The following BACH2 variants were observed in gnomAD, a reference collection of about 807,000 sequenced individuals.
BACH2 encodes the protein BACH transcriptional regulator 2, also known as transcription regulator protein BACH2.
BACH2 carries 5 observed loss-of-function variants against 61.8 expected under a neutral mutation model. That is an observed-to-expected ratio of 0.08 (90% CI 0.04 to 0.17). The LOEUF is 0.17. Ranked by LOEUF, BACH2 falls within the 10% of genes least tolerant of loss-of-function variation. The pLI, the probability that BACH2 is intolerant of heterozygous loss-of-function variation, is 1.00. For missense variants in BACH2, 824 were observed against 1,091.1 expected (o/e 0.76, Z 3.45); for synonymous variants, 446 against 440.1 (o/e 1.01, Z -0.17).
At chr6:90,186,304 C>T (rs1419510534) in intron 4 of BACH2, among the ~76,000 whole-genome samples, 1 of 152,174 alleles carries the variant, frequency 6.6e-6, no homozygotes, top group Non-Finnish European at 1.5e-5. Context: ...TCTTACAACA[C>T]TAGAGTAATA....
intron 4 of BACH2, among the ~76,000 whole-genome samples, chr6:90,122,423 G>A (rs1023272211): frequency 6.6e-6 from 1 of 152,050 alleles, no homozygotes; most frequent in African/African-American, 2.4e-5. Flanking sequence ...TCAAAAAAAA[G>A]GTTTACAGGA....
chr6:90,052,522 C>T (rs928890576), intron 5 of BACH2, among the ~76,000 whole-genome samples: 1 of 152,108 alleles, frequency 6.6e-6, no homozygotes, highest in Non-Finnish European at 1.5e-5. Flanking sequence ...TGGGTTCAAG[C>T]GATTCTCATG....
chr6:90,282,077 C>T (rs745428702), intron 1 of BACH2, among the ~76,000 whole-genome samples: 27 of 152,034 alleles, frequency 1.8e-4, no homozygotes, highest in Non-Finnish European at 2.6e-4. Context: ...TGTGCTGATT[C>T]GATTCAATGT....
In BACH2 at chr6:89,950,594, G is replaced by C. The variant is rs754123251; in HGVS notation, c.1512C>G (p.Ile504Met). 1.2e-6 allele frequency: 2 copies of C among 1,612,668 alleles called. No homozygotes were observed. The highest frequency in any genetic ancestry group is 3.3e-5 in the Admixed American group (2 of 59,980). ...MRPNTSCPVPIKVCPRSPPLE... is the reference protein window; with the variant it reads ...MRPNTSCPVPMKVCPRSPPLE... ...AGGGGGGTGAGCGAGGGCAGACTTT[G>C]ATTGGTACCGGGCAGCTGGTGTTGG... The change falls in exon 7 of 9, where the codon ATC becomes ATG. Residue 504 changes from isoleucine to methionine, a missense_variant. By Grantham distance (10) the Ile-to-Met change is conservative. This residue lies in a region of BACH2 where 102 missense variants were observed against 98.1 expected (regional missense o/e 1.04). Transcript: ENST00000257749. The surrounding 1 kb of genome is among the most constrained non-coding windows in gnomAD (Gnocchi z 5.3).
At chr6:90,171,771 T>G (rs1031641179) in intron 4 of BACH2, among the ~76,000 whole-genome samples, 1 of 152,124 alleles carries the variant, frequency 6.6e-6, no homozygotes, top group Admixed American at 6.5e-5. Flanking sequence ...TTAACATTTT[T>G]AAAAAAGTAA....
intron 5 of BACH2, among the ~76,000 whole-genome samples, chr6:90,029,206 T>G (rs532433491): frequency 6.6e-6 from 1 of 152,292 alleles, no homozygotes; most frequent in Admixed American, 6.5e-5. Context: ...GATCTGCATT[T>G]TAACCCCATG....
In BACH2 at chr6:90,158,630, C is replaced by T. The variant is rs561702722; in HGVS notation, c.-162+47939G>A. Among the ~76,000 whole-genome samples, 89 of 151,876 alleles carry T rather than the reference C, an allele frequency of 5.9e-4. No homozygotes were observed. In the East Asian group the frequency reaches 6.2e-3, roughly 11 times the overall value. ...ATGATGTGTAGTAAGTAACGAGAGA[C>T]GGGTGGTTGAGCTGGGGGATGGGAA... is the stretch of plus-strand genomic sequence containing the variant. On this transcript the variant is annotated intron_variant, in intron 4 of 8. Transcript: ENST00000257749.
chr6:90,235,544 G>T (rs1033453542), intron 3 of BACH2, among the ~76,000 whole-genome samples: 1 of 152,200 alleles, frequency 6.6e-6, no homozygotes, highest in African/African-American at 2.4e-5. Context: ...AAAAAAGCCA[G>T]GGATTGTGGC....
intron 4 of BACH2, among the ~76,000 whole-genome samples, chr6:90,095,717 A>G (rs1782354505): frequency 6.6e-6 from 1 of 152,158 alleles, no homozygotes; most frequent in South Asian, 2.1e-4. Context: ...TTTATACATA[A>G]AAATTGGAAT....
At chr6:90,102,706 C>T (rs1782695654) in intron 4 of BACH2, among the ~76,000 whole-genome samples, 1 of 151,406 alleles carries the variant, frequency 6.6e-6, no homozygotes. Flanking sequence ...AGGAGAATCA[C>T]TTGAACCGAG....
At chr6:90,019,588 G>C (rs957690949) in intron 5 of BACH2, among the ~76,000 whole-genome samples, 4 of 147,818 alleles carry the variant, frequency 2.7e-5, no homozygotes, top group Non-Finnish European at 5.9e-5. Context: ...TGATCACAAA[G>C]AGCGGGATAC....
chr6:90,022,089 G>A (rs1214225238), intron 5 of BACH2, among the ~76,000 whole-genome samples: 1 of 152,154 alleles, frequency 6.6e-6, no homozygotes, highest in Non-Finnish European at 1.5e-5. Context: ...ACTGACAATG[G>A]TTTTTACTGC....
chr6:90,280,298 C>A (rs570637872), intron 1 of BACH2, among the ~76,000 whole-genome samples: 1 of 152,018 alleles, frequency 6.6e-6, no homozygotes, highest in Non-Finnish European at 1.5e-5. Context: ...GAATCTAATC[C>A]TGTATGTTAG....
chr6:90,064,269 A>C (rs975847777), intron 5 of BACH2, among the ~76,000 whole-genome samples: 1 of 152,222 alleles, frequency 6.6e-6, no homozygotes, highest in Non-Finnish European at 1.5e-5. Flanking sequence ...CCAAGGAAGC[A>C]GCATGGAGGG....
At chr6:90,209,054 G>A (rs540917964) in intron 3 of BACH2, among the ~76,000 whole-genome samples, 1 of 151,384 alleles carries the variant, frequency 6.6e-6, no homozygotes, top group African/African-American at 2.4e-5. Context: ...GGCCTGTCGG[G>A]GGGTGGGGGG....
At chr6:90,136,624 C>T (rs959714148) in intron 4 of BACH2, among the ~76,000 whole-genome samples, 13 of 151,950 alleles carry the variant, frequency 8.6e-5, no homozygotes, top group African/African-American at 2.7e-4. Flanking sequence ...GGGATATCAC[C>T]GGCAAAATTA....
At chr6:90,105,936 T>C (rs1782885844) in intron 4 of BACH2, among the ~76,000 whole-genome samples, 1 of 152,208 alleles carries the variant, frequency 6.6e-6, no homozygotes, top group Non-Finnish European at 1.5e-5. Context: ...TTCTTAGAGT[T>C]AGTGAGCCTC....
At chr6:90,225,471 CTTG>C (rs1305017182) in intron 3 of BACH2, among the ~76,000 whole-genome samples, 3 of 152,126 alleles carry the variant, frequency 2.0e-5, no homozygotes, top group African/African-American at 7.2e-5. Flanking sequence ...AAATAAGAAA[CTTG>C]TTGTAAGGTA....
intron 2 of BACH2, among the ~76,000 whole-genome samples, chr6:90,260,555 G>C (rs1771123773): frequency 6.6e-6 from 1 of 152,054 alleles, no homozygotes; most frequent in Non-Finnish European, 1.5e-5. Context: ...ATGTCTATTG[G>C]GTCCATTTGG....
Sources: gnomAD v4.1 joint callset for allele counts (sites outside exome capture counted in the v4.1 genomes callset) on GRCh38, gnomAD v4.1.1 for gene constraint, gnomAD v4.1.1 regional missense constraint, Gnocchi (gnomAD v3.1) non-coding constraint, MANE v1.5 for transcripts, NCBI Gene and HGNC (gene_info 2026-07-23, HGNC 2026-07-21) for gene names.